The following CELF2 variants were observed in gnomAD, a reference collection of about 807,000 sequenced individuals.
CELF2 encodes CUGBP Elav-like family member 2, also known as CUG triplet repeat RNA-binding protein 2.
In CELF2, 8 loss-of-function variants were observed where a neutral mutation model predicts 62.6. The ratio of observed to expected loss-of-function variants is 0.13; its 90% CI spans 0.07 to 0.23. CELF2 has a LOEUF of 0.23. Ranked by LOEUF, CELF2 falls within the 10% of genes least tolerant of loss-of-function variation. The pLI is 1.00. For synonymous variants in CELF2, 258 were observed against 250.0 expected (o/e 1.03, Z -0.30); for missense variants, 333 against 671.0 (o/e 0.50, Z 5.56).
chr10:10,694,668 A>G, the CELF2 span, among the ~76,000 whole-genome samples: 1 of 151,632 alleles, frequency 6.6e-6, no homozygotes, highest in Admixed American at 6.6e-5. Context: ...TAGGTCACTC[A>G]GGACTTGCTT....
intron 1 of CELF2, among the ~76,000 whole-genome samples, chr10:10,814,451 C>T (rs542022120): frequency 5.3e-5 from 8 of 152,196 alleles, no homozygotes; most frequent in Admixed American, 2.0e-4. Context: ...AAATAAAGTT[C>T]GCTCATGGCT....
chr10:10,877,631 G>A lies in CELF2; in HGVS notation c.54-42333G>A, dbSNP rs568053383. Among the ~76,000 whole-genome samples, 17 of 152,320 alleles carry A rather than the reference G, an allele frequency of 1.1e-4. 1 individual carries two copies. Among genetic ancestry groups the A allele is most frequent in the East Asian group, 7.7e-4 (4 of 5,182 alleles). On this transcript the variant is annotated intron_variant, in intron 1 of 13. Coordinates refer to the CELF2 transcript ENST00000636488. The stretch of plus-strand genomic sequence containing the variant: ...TAGCTTAGTGATTTGGGGGCCCTGA[G>A]ATTTATTTTCCTTTCACAATTGAAT...
intron 1 of CELF2, among the ~76,000 whole-genome samples, chr10:10,915,765 A>T (rs1427035001): frequency 6.6e-6 from 1 of 152,152 alleles, no homozygotes; most frequent in Non-Finnish European, 1.5e-5. Context: ...TAGATAAATG[A>T]AGAGTATTCA....
chr10:10,998,975 T>G (rs1293966323), intron 2 of CELF2, among the ~76,000 whole-genome samples: 1 of 152,178 alleles, frequency 6.6e-6, no homozygotes, highest in African/African-American at 2.4e-5. Flanking sequence ...ATATACAGTT[T>G]TATCATTTTA....
the CELF2 span, among the ~76,000 whole-genome samples, chr10:10,466,378 A>G: frequency 5.9e-5 from 9 of 152,126 alleles, no homozygotes; most frequent in African/African-American, 1.4e-4. Flanking sequence ...ATACTGTTGC[A>G]TACATCAGTA....
rs2095400476 is a variant in CELF2, at chr10:11,320,842, T to TACA, written c.1097-347_1097-346insACA. On this transcript the variant is annotated intron_variant, in intron 10 of 12. Coordinates refer to ENST00000633077, the MANE Select transcript of CELF2 (RefSeq NM_001326342.2). Reference sequence around the variant, plus strand: ...GCTACTAAGGTTTTTTTTTTTTTTTTTACATGCTCCTAAGCTCCCAGAAGC... The same window carrying TACA: ...GCTACTAAGGTTTTTTTTTTTTTTTTACATACATGCTCCTAAGCTCCCAGAAGC... 5 of 1,535,558 alleles carry TACA rather than the reference T, an allele frequency of 3.3e-6. No homozygotes were observed. In the South Asian group the frequency reaches 6.0e-5, roughly 18 times the overall value.
the CELF2 span, among the ~76,000 whole-genome samples, chr10:10,516,205 A>G: frequency 6.6e-6 from 1 of 152,186 alleles, no homozygotes; most frequent in African/African-American, 2.4e-5. Context: ...AAAATACCAG[A>G]CTAGGGGTAG....
At chr10:11,251,511 G>A (rs1336984772) in intron 4 of CELF2, among the ~76,000 whole-genome samples, 1 of 151,978 alleles carries the variant, frequency 6.6e-6, no homozygotes, top group Non-Finnish European at 1.5e-5. Context: ...GGAGGACCGG[G>A]CACCGTTATT....
In CELF2 at chr10:11,018,096, T is replaced by G. The variant is rs771191780; in HGVS notation, c.7T>G (p.Ser3Ala). The G allele has an allele frequency of 6.7e-7, 1 of 1,496,710 alleles. No individual in the cohort carries two copies. The highest frequency in any genetic ancestry group is 2.1e-5 in the Admixed American group (1 of 48,358). 92.7% of individuals were successfully genotyped at this position (1,496,710 alleles called of 1,614,324 possible). ...GCCGCGTGCGCCCGCGAACATGACT[T>G]CTGCCTTCAAGCTGGATTTCCTCCC... MT[S>A]AFKLDFLPDM... The change falls in exon 1 of 13, where the codon TCT becomes GCT. Residue 3 changes from serine to alanine, a missense_variant. Transcript: ENST00000633077.
intron 2 of CELF2, among the ~76,000 whole-genome samples, chr10:11,000,145 A>C (rs2054373159): frequency 6.6e-6 from 1 of 151,864 alleles, no homozygotes; most frequent in Admixed American, 6.6e-5. Context: ...TCACAAACCA[A>C]AGCTAGTTTT....
intron 1 of CELF2, among the ~76,000 whole-genome samples, chr10:11,056,364 G>A (rs867072240): frequency 6.6e-6 from 1 of 152,226 alleles, no homozygotes; most frequent in Admixed American, 6.5e-5. Flanking sequence ...GCATAGCTAG[G>A]AATAGGTGCC....
chr10:10,663,402 A>T, the CELF2 span, among the ~76,000 whole-genome samples: 1 of 152,240 alleles, frequency 6.6e-6, no homozygotes, highest in East Asian at 1.9e-4. Context: ...TCATACACTG[A>T]TAGAGAACAA....
At chr10:10,754,800 A>G in the CELF2 span, among the ~76,000 whole-genome samples, 11 of 152,314 alleles carry the variant, frequency 7.2e-5, no homozygotes, top group East Asian at 3.9e-4. Context: ...ACAAGTCTCC[A>G]TGCTCCAAGG....
rs540206755 is a variant in CELF2 at position 11,177,796 on chromosome 10, C to T, written c.271+12114C>T. 1.3e-5 allele frequency among the ~76,000 whole-genome samples: 2 copies of T among 152,266 alleles called. No individual in the cohort carries two copies. Among genetic ancestry groups the T allele is most frequent in the East Asian group, 3.9e-4 (2 of 5,182 alleles). ...GGTGAAGATGCCATGAACTCAGGAG[C>T]GGGTGAGGAGGGCCTTTCTCTGCCT... On this transcript the variant is annotated intron_variant, in intron 2 of 12. Transcript: ENST00000633077. This position sits in a 1 kb window ranked among gnomAD's most constrained non-coding sequence, Gnocchi z 4.8.
At chr10:11,252,963 A>T (rs2077585106) in intron 4 of CELF2, among the ~76,000 whole-genome samples, 1 of 152,152 alleles carries the variant, frequency 6.6e-6, no homozygotes, top group Non-Finnish European at 1.5e-5. Flanking sequence ...GAGCAGAAAC[A>T]TACTTAACCC....
At chr10:10,969,092 A>G (rs1402960541) in intron 2 of CELF2, among the ~76,000 whole-genome samples, 4 of 152,176 alleles carry the variant, frequency 2.6e-5, no homozygotes, top group Non-Finnish European at 5.9e-5. Flanking sequence ...AAAATGTGGG[A>G]CTTGGAATAC....
chr10:10,643,235 A>C, the CELF2 span, among the ~76,000 whole-genome samples: 1 of 152,050 alleles, frequency 6.6e-6, no homozygotes, highest in Non-Finnish European at 1.5e-5. Context: ...GTCCCCACCC[A>C]AATCTCATCT....
chr10:10,971,839 G>A (rs1045443070), intron 2 of CELF2, among the ~76,000 whole-genome samples: 4 of 152,040 alleles, frequency 2.6e-5, no homozygotes, highest in Non-Finnish European at 5.9e-5. Context: ...CACCCACCTC[G>A]ATCTCCCAAA....
At position 10,934,462 on chromosome 10, in the gene CELF2, A is replaced by C. The variant is rs2066423923; in HGVS notation, c.89+14463A>C. ...TCTGAATGGTTGAAGTGAGAGTAAC[A>C]GGTGCATGAACAAGACTGCTCATTG... On this transcript the variant is annotated intron_variant, in intron 2 of 13. Coordinates refer to the CELF2 transcript ENST00000636488. The surrounding 1 kb of genome is among the most constrained non-coding windows in gnomAD (Gnocchi z 4.4). 1 of 152,244 alleles carries C rather than the reference A, an allele frequency of 6.6e-6. No homozygotes were observed. Among genetic ancestry groups the C allele is most frequent in the Admixed American group, 6.5e-5 (1 of 15,294 alleles). 9.4% of individuals were successfully genotyped at this position (152,244 alleles called of 1,614,324 possible). A position where few individuals can be genotyped will look rare whatever the true frequency, so the allele number is the denominator to read the frequency against.
Sources: allele counts gnomAD v4.1 joint callset (sites outside exome capture counted in the v4.1 genomes callset), GRCh38; gene constraint gnomAD v4.1.1; non-coding constraint Gnocchi (gnomAD v3.1); transcripts MANE v1.5; gene names NCBI Gene and HGNC (gene_info 2026-07-23, HGNC 2026-07-21).